PCDH15: variants seen among roughly 807,000 people sequenced by gnomAD.
PCDH15 encodes the protein protocadherin-15.
In PCDH15, 129 loss-of-function variants were observed where a neutral mutation model predicts 178.5. The ratio of observed to expected loss-of-function variants is 0.72; its 90% CI spans 0.63 to 0.84. The LOEUF is 0.84. Ranked by LOEUF, PCDH15 falls within the 40% of genes least tolerant of loss-of-function variation. The pLI, the probability that PCDH15 is intolerant of heterozygous loss-of-function variation, is 0.00. For synonymous variants in PCDH15, 800 were observed against 732.0 expected, an observed-to-expected ratio of 1.09 and a Z score of -1.50; for missense variants, 2,230 against 2,099.9, an observed-to-expected ratio of 1.06 and a Z score of -1.21.
intron 3 of PCDH15, among the ~76,000 whole-genome samples, chr10:54,873,574 G>GTGTA (rs1277080028): frequency 1.1e-4 from 16 of 145,876 alleles, no homozygotes; most frequent in East Asian, 6.0e-4. Context: ...GTGTGTGTGT[G>GTGTA]TATATATATA....
rs1302715705 is a variant in PCDH15, at chr10:53,822,415, T to C, written c.4368-2185A>G. On this transcript the variant is annotated intron_variant, in intron 32 of 37. Coordinates refer to ENST00000644397, the MANE Select transcript of PCDH15 (RefSeq NM_001384140.1). ...GGACAAAAAAGAGAAAAAGGAGAAA[T>C]GTCAGGAGGAGGAGCAAGAGGAGCA... The C allele has an allele frequency of 3.2e-6, 5 of 1,573,562 alleles. No homozygotes were observed. Among genetic ancestry groups the C allele is most frequent in the Non-Finnish European group, 3.4e-6 (4 of 1,160,954 alleles).
intron 25 of PCDH15, among the ~76,000 whole-genome samples, chr10:53,912,256 C>T (rs2083158383): frequency 6.6e-6 from 1 of 152,104 alleles, no homozygotes; most frequent in Non-Finnish European, 1.5e-5. Flanking sequence ...GCCCTTCATG[C>T]TAAAAACTCT....
chr10:55,023,694 C>T (rs1352772694), intron 2 of PCDH15, among the ~76,000 whole-genome samples: 1 of 151,946 alleles, frequency 6.6e-6, no homozygotes, highest in Non-Finnish European at 1.5e-5. Flanking sequence ...CTTACTGCTA[C>T]AATAAACACA....
chr10:54,018,659 C>T (rs969682227), intron 20 of PCDH15, among the ~76,000 whole-genome samples: 3 of 151,998 alleles, frequency 2.0e-5, no homozygotes, highest in South Asian at 2.1e-4. Context: ...CACATTTTAG[C>T]GACTATATGA....
chr10:55,405,136 T>C (rs191782479), intron 2 of PCDH15, among the ~76,000 whole-genome samples: 24 of 151,654 alleles, frequency 1.6e-4, no homozygotes, highest in African/African-American at 5.6e-4. Flanking sequence ...AGAAAAATGA[T>C]GTTTTGGAAG....
intron 5 of PCDH15, among the ~76,000 whole-genome samples, chr10:54,356,569 T>C (rs756342828): frequency 4.6e-5 from 7 of 151,786 alleles, no homozygotes; most frequent in Non-Finnish European, 1.0e-4. Flanking sequence ...ACATATAATA[T>C]ATGCTGTATA....
intron 7 of PCDH15, among the ~76,000 whole-genome samples, chr10:54,321,653 C>A (rs1372248653): frequency 6.6e-6 from 1 of 151,844 alleles, no homozygotes; most frequent in Admixed American, 6.6e-5. Context: ...CTATTATCTG[C>A]TTCTTTGGGT....
intron 3 of PCDH15, among the ~76,000 whole-genome samples, chr10:54,415,174 A>G (rs1466373466): frequency 2.0e-5 from 3 of 152,106 alleles, no homozygotes; most frequent in Non-Finnish European, 4.4e-5. Context: ...GTATATGTTT[A>G]AATTGTGGTA....
At chr10:54,040,442 G>A (rs1192495137) in intron 18 of PCDH15, among the ~76,000 whole-genome samples, 1 of 151,890 alleles carries the variant, frequency 6.6e-6, no homozygotes, top group Non-Finnish European at 1.5e-5. Context: ...TGATTGTGAG[G>A]CCTCCCCAGC....
chr10:55,366,063 C>T (rs931450650), intron 2 of PCDH15: 8 of 152,124 alleles, frequency 5.3e-5, no homozygotes, highest in Non-Finnish European at 1.2e-4. Flanking sequence ...ATCATCAGAT[C>T]ATTTGTACTT....
chr10:55,117,461 A>C (rs1477686066), intron 2 of PCDH15, among the ~76,000 whole-genome samples: 2 of 152,194 alleles, frequency 1.3e-5, no homozygotes, highest in Admixed American at 1.3e-4. Context: ...GCAAACATAG[A>C]CAAGATACTG....
intron 2 of PCDH15, among the ~76,000 whole-genome samples, chr10:55,380,246 T>C (rs1052188941): frequency 6.6e-6 from 1 of 152,022 alleles, no homozygotes; most frequent in African/African-American, 2.4e-5. Flanking sequence ...CAAAAATAAA[T>C]ACAATGTCAC....
At chr10:54,797,132 T>C (rs927803736) in intron 1 of PCDH15, among the ~76,000 whole-genome samples, 4 of 151,960 alleles carry the variant, frequency 2.6e-5, no homozygotes, top group African/African-American at 9.7e-5. Context: ...GCCCTTTCAC[T>C]AGGCATGAGA....
intron 18 of PCDH15, among the ~76,000 whole-genome samples, chr10:54,045,879 T>C (rs1452174671): frequency 6.6e-6 from 1 of 152,082 alleles, no homozygotes; most frequent in Non-Finnish European, 1.5e-5. Context: ...AAAAGATATC[T>C]TGCAGGAAGT....
chr10:54,623,368 A>G (rs1039770538), intron 2 of PCDH15, among the ~76,000 whole-genome samples: 3 of 152,158 alleles, frequency 2.0e-5, no homozygotes, highest in African/African-American at 7.2e-5. Context: ...TATATATTTT[A>G]TAAGTACTAT....
rs537931126 is a variant in PCDH15, at chr10:53,961,653, G to A, written c.3009+99C>T. 6.6e-6 allele frequency: 6 copies of A among 909,576 alleles called. No individual in the cohort carries two copies. In the East Asian group the frequency reaches 1.5e-4, roughly 23 times the overall value. The allele number at this position is 909,576 out of a possible 1,614,324, so 56.3% of individuals were successfully genotyped here. On this transcript the variant is annotated intron_variant, in intron 22 of 37. Transcript: ENST00000644397. ...TGTAATTTAAAAAAATTAAAAAGGA[G>A]AAAAATTGAAAGAAAAAAATGTGCT...
At chr10:54,913,646 C>T (rs1409163689) in intron 2 of PCDH15, among the ~76,000 whole-genome samples, 1 of 152,182 alleles carries the variant, frequency 6.6e-6, no homozygotes, top group Non-Finnish European at 1.5e-5. Context: ...ACATCTTGCA[C>T]CAAGTGCTTG....
At chr10:55,098,199 T>C (rs1242039485) in intron 2 of PCDH15, among the ~76,000 whole-genome samples, 2 of 152,164 alleles carry the variant, frequency 1.3e-5, no homozygotes, top group African/African-American at 4.8e-5. Context: ...AGGAATACTG[T>C]ATTATCAATC....
chr10:53,975,196 A>T (rs1376968921), intron 21 of PCDH15, among the ~76,000 whole-genome samples: 4 of 152,156 alleles, frequency 2.6e-5, no homozygotes, highest in African/African-American at 9.7e-5. Context: ...ATGGACACTC[A>T]GATTGATTCC....
Sources: gnomAD v4.1 joint callset for allele counts (sites outside exome capture counted in the v4.1 genomes callset) on GRCh38, gnomAD v4.1.1 for gene constraint, MANE v1.5 for transcripts, NCBI Gene and HGNC (gene_info 2026-07-23, HGNC 2026-07-21) for gene names.